ENTPD7: variants seen among roughly 807,000 people sequenced by gnomAD.
The protein encoded by ENTPD7 is NTPDase 7.
Under a neutral mutation model 77.9 loss-of-function variants are expected in ENTPD7, and 53 were observed. The ratio of observed to expected loss-of-function variants is 0.68; its 90% CI spans 0.55 to 0.85. The LOEUF (loss-of-function observed/expected upper bound fraction) is 0.85, where lower values mean the gene tolerates loss of function less well. Ranked by LOEUF, ENTPD7 falls within the 40% of genes least tolerant of loss-of-function variation. The pLI is 0.00. For missense variants in ENTPD7, 636 were observed against 743.7 expected, an observed-to-expected ratio of 0.86 and a Z score of 1.68; for synonymous variants, 248 against 274.9, an observed-to-expected ratio of 0.90 and a Z score of 0.97.
At chr10:99,669,956 A>G (rs915076185) in intron 3 of ENTPD7, among the ~76,000 whole-genome samples, 1 of 151,758 alleles carries the variant, frequency 6.6e-6, no homozygotes, top group Non-Finnish European at 1.5e-5. Context: ...TCACCGTGTT[A>G]GCCAGGATGG....
At position 99,695,855 on chromosome 10, in the gene ENTPD7, G is replaced by T. The variant is rs2035963562; in HGVS notation, c.844-101G>T. 5.6e-6 allele frequency: 6 copies of T among 1,078,444 alleles called. No individual in the cohort carries two copies. In the South Asian group the frequency reaches 9.0e-5, roughly 16 times the overall value. 66.8% of individuals were successfully genotyped at this position (1,078,444 alleles called of 1,614,324 possible). A position where few individuals can be genotyped will look rare whatever the true frequency, so the allele number is the denominator to read the frequency against. On this transcript the variant is annotated intron_variant, in intron 8 of 12. Transcript: ENST00000370489. ...GAAAGAATGCTTAAGATGTTTTAAAGAGTAGTCATAGAAATGAAGCCTCGT... is the reference window on the plus strand; with the variant it reads ...GAAAGAATGCTTAAGATGTTTTAAATAGTAGTCATAGAAATGAAGCCTCGT...
At position 99,699,154 on chromosome 10, in the gene ENTPD7, A is replaced by G. The variant is rs979711815; in HGVS notation, c.1335+296A>G. ...TAATGGTTTTTCTTCCAACTTTCCAATAGTCTTGTTTAATGTTTATGCCCA... is the reference window on the plus strand; with the variant it reads ...TAATGGTTTTTCTTCCAACTTTCCAGTAGTCTTGTTTAATGTTTATGCCCA... On this transcript the variant is annotated intron_variant, in intron 10 of 12. Transcript: ENST00000370489. Among the ~76,000 whole-genome samples, 4 of 152,132 alleles carry G rather than the reference A, an allele frequency of 2.6e-5. No individual in the cohort carries two copies. In the East Asian group the frequency reaches 5.8e-4, roughly 22 times the overall value.
chr10:99,704,684 G>C lies in ENTPD7; in HGVS notation c.*1G>C. 7 of 1,611,718 alleles carry C rather than the reference G, an allele frequency of 4.3e-6. No homozygotes were observed. Among genetic ancestry groups the C allele is most frequent in the Non-Finnish European group, 5.9e-6 (7 of 1,178,916 alleles). The stretch of plus-strand genomic sequence containing the variant: ...GATGGGAGTACAGGTGGGGCCGTGA[G>C]GCTGGACCAGGACTAGAGAAGCTTG... On this transcript the variant is annotated 3_prime_UTR_variant, in exon 13 of 13. Transcript: ENST00000370489.
chr10:99,685,017 G>A (rs1045204848), intron 5 of ENTPD7, among the ~76,000 whole-genome samples: 11 of 152,318 alleles, frequency 7.2e-5, no homozygotes, highest in African/African-American at 2.4e-4. Flanking sequence ...CAGCACTTTG[G>A]GAGGCCGAGG....
Position 99,660,326 on chromosome 10 carries a change from G to A in ENTPD7, c.8+362G>A, listed in dbSNP as rs1048913087. 4.2e-6 allele frequency: 5 copies of A among 1,189,930 alleles called. No individual in the cohort carries two copies. In the South Asian group the frequency reaches 7.1e-5, roughly 17 times the overall value. 73.7% of individuals were successfully genotyped at this position (1,189,930 alleles called of 1,614,324 possible). A position where few individuals can be genotyped will look rare whatever the true frequency, so the allele number is the denominator to read the frequency against. ...GAACTTTAAAAGCAGACAGACCGAG[G>A]TCCTTTTGAATCAATATACAAAGTG... is the stretch of plus-strand genomic sequence containing the variant. On this transcript the variant is annotated intron_variant, in intron 2 of 12. Transcript: ENST00000370489.
chr10:99,681,635 C>T (rs2035755201), intron 5 of ENTPD7, among the ~76,000 whole-genome samples: 1 of 152,092 alleles, frequency 6.6e-6, no homozygotes. Context: ...GCTGCTGCAC[C>T]ATTTTATATT....
At chr10:99,674,166 C>G (rs1206250386) in intron 3 of ENTPD7, among the ~76,000 whole-genome samples, 1 of 152,076 alleles carries the variant, frequency 6.6e-6, no homozygotes, top group Non-Finnish European at 1.5e-5. Flanking sequence ...GGTAGAGAAG[C>G]AGATGGATGT....
chr10:99,669,898 C>A (rs954539398), intron 3 of ENTPD7, among the ~76,000 whole-genome samples: 1 of 151,666 alleles, frequency 6.6e-6, no homozygotes, highest in African/African-American at 2.4e-5. Context: ...TACAGGCACC[C>A]GCCACCAGGC....
At chr10:99,703,448 C>T (rs1222469668) in intron 12 of ENTPD7, among the ~76,000 whole-genome samples, 1 of 152,208 alleles carries the variant, frequency 6.6e-6, no homozygotes, top group Non-Finnish European at 1.5e-5. Context: ...CCAGCATTTG[C>T]CAGTTCTCAT....
chr10:99,671,188 TTTATTTAAAAA>T (rs1440110983), intron 3 of ENTPD7, among the ~76,000 whole-genome samples: 2 of 151,962 alleles, frequency 1.3e-5, no homozygotes, highest in Non-Finnish European at 2.9e-5. Context: ...CTACACTAAA[TTTATTTAAAAA>T]TTATTTAAAA....
chr10:99,704,782 T>C lies in ENTPD7; in HGVS notation c.*99T>C. On this transcript the variant is annotated 3_prime_UTR_variant, in exon 13 of 13. Transcript: ENST00000370489. ...GCCTCAGATGCTGTGATGTCTGACC[T>C]TGTGGATATTTGCCCTTGGAATTTC... 9.3e-7 allele frequency: 1 copy of C among 1,079,620 alleles called. No individual in the cohort carries two copies. The highest frequency in any genetic ancestry group is 2.4e-5 in the Admixed American group (1 of 41,620). 66.9% of individuals were successfully genotyped at this position (1,079,620 alleles called of 1,614,324 possible).
intron 3 of ENTPD7, among the ~76,000 whole-genome samples, chr10:99,666,769 C>T (rs897137272): frequency 2.0e-5 from 3 of 152,122 alleles, no homozygotes; most frequent in South Asian, 2.1e-4. Context: ...TAACAGAAGG[C>T]ATATTTTATA....
chr10:99,697,747 C>T lies in ENTPD7; in HGVS notation c.1011-787C>T, dbSNP rs2036015069. 4.3e-5 allele frequency: 7 copies of T among 163,278 alleles called. No individual in the cohort carries two copies. In the South Asian group the frequency reaches 1.2e-3, roughly 29 times the overall value. 10.1% of individuals were successfully genotyped at this position (163,278 alleles called of 1,614,324 possible). The stretch of plus-strand genomic sequence containing the variant: ...CACCCTCGGTCTTTACACCTGTGGG[C>T]GCATCCTCATTCTAAGAAGTCCACT... On this transcript the variant is annotated intron_variant, in intron 9 of 12. Transcript: ENST00000370489.
chr10:99,694,283 A>G (rs573360030), intron 8 of ENTPD7, among the ~76,000 whole-genome samples: 22 of 152,210 alleles, frequency 1.4e-4, no homozygotes, highest in Non-Finnish European at 2.6e-4. Context: ...AAATGAAATC[A>G]TACAATATGT....
rs531018706 is a variant in ENTPD7 at position 99,672,167 on chromosome 10, A to G, written c.192-7094A>G. Among the ~76,000 whole-genome samples the G allele has an allele frequency of 2.0e-5, 3 of 152,176 alleles. No homozygotes were observed. In the South Asian group the frequency reaches 6.2e-4, roughly 32 times the overall value. On this transcript the variant is annotated intron_variant, in intron 3 of 12. Coordinates refer to ENST00000370489, the MANE Select transcript of ENTPD7 (RefSeq NM_020354.5). ...TGGCTAAATTTCTTTTTTTATTTTT[A>G]GAGACAGGGGTCTCACTATGTTGCC... is the stretch of plus-strand genomic sequence containing the variant.
intron 3 of ENTPD7, among the ~76,000 whole-genome samples, chr10:99,671,240 C>T (rs2035616436): frequency 6.6e-6 from 1 of 151,850 alleles, no homozygotes; most frequent in East Asian, 1.9e-4. Context: ...ATAAATTAAC[C>T]TTAACTTACT....
intron 7 of ENTPD7, 34 bp downstream of exon 7, chr10:99,688,784 T>C (rs2035844603): frequency 2.5e-6 from 4 of 1,605,938 alleles, no homozygotes; most frequent in Non-Finnish European, 3.4e-6. Flanking sequence ...ACAGTTTACC[T>C]AAGGGCTGAA....
intron 8 of ENTPD7, among the ~76,000 whole-genome samples, chr10:99,694,984 A>G (rs2035947754): frequency 6.6e-6 from 1 of 152,254 alleles, no homozygotes; most frequent in African/African-American, 2.4e-5. Flanking sequence ...ACACATTAGA[A>G]TGGTTGCCCA....
intron 7 of ENTPD7, among the ~76,000 whole-genome samples, chr10:99,689,065 G>A (rs1373077917): frequency 1.3e-5 from 2 of 151,340 alleles, no homozygotes; most frequent in Non-Finnish European, 2.9e-5. Flanking sequence ...CTCATTGAAT[G>A]TTTTAAAAAG....
Sources: allele counts gnomAD v4.1 joint callset (sites outside exome capture counted in the v4.1 genomes callset), GRCh38; gene constraint gnomAD v4.1.1; transcripts MANE v1.5; gene names NCBI Gene and HGNC (gene_info 2026-07-23, HGNC 2026-07-21).